NAALADL2: variants seen among roughly 807,000 people sequenced by gnomAD.
NAALADL2 encodes inactive N-acetylated-alpha-linked acidic dipeptidase-like protein 2.
NAALADL2 carries 76 observed loss-of-function variants against 87.2 expected under a neutral mutation model. The observed-to-expected ratio is 0.87, with a 90% CI of 0.72 to 1.05. The LOEUF is 1.05. Ranked by LOEUF, NAALADL2 falls within the 50% of genes least tolerant of loss-of-function variation. NAALADL2 has a pLI of 0.00. For synonymous variants in NAALADL2, 354 were observed against 331.0 expected (o/e 1.07, Z -0.75); for missense variants, 1,089 against 945.8 (o/e 1.15, Z -1.99).
chr3:175,590,361 A>G (rs113556881), intron 10 of NAALADL2, among the ~76,000 whole-genome samples: 5,336 of 149,620 alleles, frequency 0.036, 350 homozygotes, highest in African/African-American at 0.13. Flanking sequence ...TTTGGAAAGA[A>G]TAGTCGATAT....
rs546741841 is a variant in NAALADL2, at chr3:174,668,870, C to T, written c.-114-68771C>T. Reference sequence around the variant, plus strand: ...AAGTCTTTGCTATTATGAATAGTGCCGCAATAAACATGTGTGCATGTGTCT... The same window carrying T: ...AAGTCTTTGCTATTATGAATAGTGCTGCAATAAACATGTGTGCATGTGTCT... On this transcript the variant is annotated intron_variant, in intron 2 of 3. Transcript: ENST00000434257. Among the ~76,000 whole-genome samples the T allele has an allele frequency of 2.6e-4, 39 of 152,160 alleles. 1 individual carries two copies. Among genetic ancestry groups the T allele is most frequent in the East Asian group, 2.3e-3 (12 of 5,166 alleles).
chr3:175,560,980 G>A (rs907423962), intron 9 of NAALADL2, among the ~76,000 whole-genome samples: 6 of 152,204 alleles, frequency 3.9e-5, no homozygotes, highest in South Asian at 4.1e-4. Context: ...AAGGCGAGAC[G>A]ACAGACTATT....
At chr3:175,153,980 A>T (rs1425249882) in intron 2 of NAALADL2, among the ~76,000 whole-genome samples, 1 of 152,200 alleles carries the variant, frequency 6.6e-6, no homozygotes, top group African/African-American at 2.4e-5. Flanking sequence ...TTTTCTAAAC[A>T]TATGGGGATT....
chr3:175,082,799 C>G (rs949999176), intron 1 of NAALADL2, among the ~76,000 whole-genome samples: 1 of 152,118 alleles, frequency 6.6e-6, no homozygotes, highest in African/African-American at 2.4e-5. Context: ...TTTACATAGG[C>G]TTGGTAAATA....
At chr3:175,552,535 T>C (rs2149493255) in intron 9 of NAALADL2, among the ~76,000 whole-genome samples, 1 of 152,286 alleles carries the variant, frequency 6.6e-6, no homozygotes, top group Non-Finnish European at 1.5e-5. Flanking sequence ...TACCATATTA[T>C]GTAGTTGTCA....
At chr3:175,560,112 C>CT (rs1431843018) in intron 9 of NAALADL2, among the ~76,000 whole-genome samples, 1 of 152,004 alleles carries the variant, frequency 6.6e-6, no homozygotes, top group Non-Finnish European at 1.5e-5. Flanking sequence ...GTTTTGATGT[C>CT]TTTACTTGTT....
intron 1 of NAALADL2, among the ~76,000 whole-genome samples, chr3:174,527,947 C>A (rs1054499192): frequency 2.0e-5 from 3 of 152,096 alleles, no homozygotes; most frequent in Non-Finnish European, 2.9e-5. Flanking sequence ...GGCTCAACAC[C>A]AGTTTTGGTT....
chr3:174,927,930 T>G (rs1011919317), intron 1 of NAALADL2, among the ~76,000 whole-genome samples: 1 of 151,550 alleles, frequency 6.6e-6, no homozygotes, highest in African/African-American at 2.4e-5. Context: ...GCTGTTTTTT[T>G]GAAGAGATCT....
chr3:174,536,753 C>G (rs1721760738), intron 1 of NAALADL2: 1 of 152,036 alleles, frequency 6.6e-6, no homozygotes, highest in Admixed American at 6.6e-5. Context: ...AAAATGAAAA[C>G]CCTTTCTCTC....
chr3:175,575,739 G>A (rs970387431), intron 9 of NAALADL2, among the ~76,000 whole-genome samples: 4 of 152,120 alleles, frequency 2.6e-5, no homozygotes, highest in Admixed American at 1.3e-4. Context: ...AGTCATCAGA[G>A]TTCAAATTCA....
At chr3:174,485,291 A>C (rs572078272) in intron 1 of NAALADL2, among the ~76,000 whole-genome samples, 1 of 152,092 alleles carries the variant, frequency 6.6e-6, no homozygotes, top group Non-Finnish European at 1.5e-5. Flanking sequence ...TGCAAATACT[A>C]TGCAAGTTTT....
intron 3 of NAALADL2, among the ~76,000 whole-genome samples, chr3:174,808,444 A>G (rs1022379696): frequency 3.3e-5 from 5 of 152,154 alleles, no homozygotes; most frequent in Admixed American, 1.3e-4. Flanking sequence ...GTACAATTTA[A>G]AGAATTTTAG....
intron 1 of NAALADL2, among the ~76,000 whole-genome samples, chr3:175,083,740 A>G (rs76092453): frequency 0.016 from 2,443 of 152,312 alleles, 64 homozygotes; most frequent in African/African-American, 0.056. Flanking sequence ...AGGTATTACT[A>G]TCCTATTCTG....
chr3:174,765,037 A>G (rs1713593971), intron 3 of NAALADL2, among the ~76,000 whole-genome samples: 1 of 151,994 alleles, frequency 6.6e-6, no homozygotes, highest in Non-Finnish European at 1.5e-5. Context: ...AAATAATACA[A>G]AGAGACACTA....
chr3:175,018,866 G>GA (rs113991349), intron 1 of NAALADL2, among the ~76,000 whole-genome samples: 5,524 of 152,026 alleles, frequency 0.036, 355 homozygotes, highest in African/African-American at 0.13. Flanking sequence ...CTGTGACATA[G>GA]AAAAAACAGC....
chr3:175,010,219 G>A (rs1337201968), intron 1 of NAALADL2, among the ~76,000 whole-genome samples: 1 of 152,088 alleles, frequency 6.6e-6, no homozygotes, highest in Admixed American at 6.6e-5. Flanking sequence ...GTGAAGGAAT[G>A]ATCTTTTTGG....
intron 2 of NAALADL2, among the ~76,000 whole-genome samples, chr3:175,127,913 AAC>A (rs1458952444): frequency 6.6e-6 from 1 of 152,182 alleles, no homozygotes; most frequent in Non-Finnish European, 1.5e-5. Flanking sequence ...TGGAAGTAAA[AAC>A]ACAAAATATT....
At chr3:175,129,115 T>C (rs1727407908) in intron 2 of NAALADL2, among the ~76,000 whole-genome samples, 8 of 152,006 alleles carry the variant, frequency 5.3e-5, no homozygotes, top group Admixed American at 5.2e-4. Flanking sequence ...ATTTTTTTTT[T>C]TTTATAATTT....
chr3:174,677,608 A>G (rs1299926405), intron 2 of NAALADL2, among the ~76,000 whole-genome samples: 1 of 152,122 alleles, frequency 6.6e-6, no homozygotes, highest in East Asian at 1.9e-4. Flanking sequence ...GCTTCATGCA[A>G]ATCTCTAGTC....
Sources: allele counts gnomAD v4.1 joint callset (sites outside exome capture counted in the v4.1 genomes callset), GRCh38; gene constraint gnomAD v4.1.1; transcripts MANE v1.5; gene names NCBI Gene and HGNC (gene_info 2026-07-23, HGNC 2026-07-21).